Variants in KCNMB2 observed in about 807,000 individuals in gnomAD.
KCNMB2 encodes the protein calcium-activated potassium channel subunit beta-2.
In KCNMB2, 9 loss-of-function variants were observed where a neutral mutation model predicts 24.5. The observed-to-expected ratio is 0.37, with a 90% CI of 0.22 to 0.64. The LOEUF is 0.64. Among genes scored for constraint, KCNMB2 ranks in the 30% least tolerant of loss-of-function variants. The pLI, the probability that KCNMB2 is intolerant of heterozygous loss-of-function variation, is 0.63. For missense variants in KCNMB2, 226 were observed against 284.3 expected (o/e 0.79, Z 1.47); for synonymous variants, 109 against 104.4 (o/e 1.04, Z -0.27).
chr3:178,762,318 A>G (rs1048536670), intron 1 of KCNMB2, among the ~76,000 whole-genome samples: 2 of 152,234 alleles, frequency 1.3e-5, no homozygotes, highest in African/African-American at 4.8e-5. Context: ...CAGCCAACCC[A>G]AGAGTAAGGA....
intron 1 of KCNMB2, among the ~76,000 whole-genome samples, chr3:178,780,053 TAAA>T (rs11406849): frequency 1.5e-3 from 205 of 134,018 alleles, no homozygotes; most frequent in African/African-American, 5.2e-3. Flanking sequence ...TTGTTTTTTT[TAAA>T]AAAAAAAAAA....
intron 4 of KCNMB2, among the ~76,000 whole-genome samples, chr3:178,838,958 TGAA>T (rs1179019222): frequency 6.6e-6 from 1 of 152,204 alleles, no homozygotes; most frequent in Non-Finnish European, 1.5e-5. Flanking sequence ...TATAATGTTT[TGAA>T]GAAGGAGCAC....
chr3:178,828,295 G>A lies in KCNMB2; in HGVS notation c.345G>A (p.Gln115=). 2 of 1,613,950 alleles carry A rather than the reference G, an allele frequency of 1.2e-6. No homozygotes were observed. Among genetic ancestry groups the A allele is most frequent in the Middle Eastern group, 1.6e-4 (1 of 6,062 alleles). The change falls in exon 4 of 5, where the codon CAG becomes CAA. Residue 115 remains glutamine (Q), a synonymous_variant. Coordinates refer to ENST00000452583, the MANE Select transcript of KCNMB2 (RefSeq NM_181361.3). Reference sequence around the variant, plus strand: ...AACTTTCTCAGTACCCCTGCCTCCAGGTGTACGTTAACCTGACTTCTTCCG... The same window carrying A: ...AACTTTCTCAGTACCCCTGCCTCCAAGTGTACGTTAACCTGACTTCTTCCG... The part of the protein sequence containing the change: ...CWKLSQYPCL[Q]VYVNLTSSGE...
At chr3:178,552,990 T>C (rs1716008553) in intron 1 of KCNMB2, among the ~76,000 whole-genome samples, 1 of 152,218 alleles carries the variant, frequency 6.6e-6, no homozygotes, top group Admixed American at 6.5e-5. Flanking sequence ...ACAATAAAGA[T>C]AAGCAGAAAA....
At chr3:178,541,384 T>C (rs1367269116) in intron 1 of KCNMB2, among the ~76,000 whole-genome samples, 1 of 152,130 alleles carries the variant, frequency 6.6e-6, no homozygotes, top group East Asian at 1.9e-4. Flanking sequence ...TAAAACCAAG[T>C]TGGAAGGGAT....
chr3:178,816,978 A>T (rs552174415), intron 2 of KCNMB2, among the ~76,000 whole-genome samples: 1 of 152,240 alleles, frequency 6.6e-6, no homozygotes, highest in African/African-American at 2.4e-5. Context: ...TGGTCCAACA[A>T]AAATAAATAT....
At chr3:178,763,827 G>A (rs1377107032) in intron 1 of KCNMB2, among the ~76,000 whole-genome samples, 1 of 152,074 alleles carries the variant, frequency 6.6e-6, no homozygotes, top group African/African-American at 2.4e-5. Flanking sequence ...ATTTACTGGT[G>A]GCATGCCTTG....
intron 4 of KCNMB2, among the ~76,000 whole-genome samples, chr3:178,840,749 A>C (rs1037723606): frequency 6.6e-6 from 1 of 152,240 alleles, no homozygotes; most frequent in Non-Finnish European, 1.5e-5. Flanking sequence ...TCAAGGCTGC[A>C]CAGAGCAGCA....
intron 1 of KCNMB2, among the ~76,000 whole-genome samples, chr3:178,554,646 GC>G (rs1716065432): frequency 6.6e-6 from 1 of 151,964 alleles, no homozygotes; most frequent in Non-Finnish European, 1.5e-5. Context: ...AAGCACTTAT[GC>G]TTTTCCTTCC....
intron 4 of KCNMB2, among the ~76,000 whole-genome samples, chr3:178,832,713 C>T (rs111674010): frequency 1.2e-5 from 1 of 81,090 alleles, no homozygotes; most frequent in African/African-American, 1.1e-4. Flanking sequence ...ACTGTTAAAC[C>T]CATCCATTGA....
At chr3:178,698,316 C>A (rs766971835) in intron 1 of KCNMB2, among the ~76,000 whole-genome samples, 2 of 150,254 alleles carry the variant, frequency 1.3e-5, no homozygotes, top group Non-Finnish European at 3.0e-5. Flanking sequence ...TTTCTTCATT[C>A]TTTTTCATTC....
At chr3:178,546,016 T>C (rs1715761272) in intron 1 of KCNMB2, among the ~76,000 whole-genome samples, 2 of 151,982 alleles carry the variant, frequency 1.3e-5, no homozygotes, top group South Asian at 4.2e-4. Flanking sequence ...TCAAGGTAAC[T>C]GTTTGCTTTG....
intron 2 of KCNMB2, among the ~76,000 whole-genome samples, chr3:178,810,461 A>C (rs1050144552): frequency 6.6e-6 from 1 of 152,196 alleles, no homozygotes; most frequent in Non-Finnish European, 1.5e-5. Flanking sequence ...ATACCAGGAA[A>C]CCAGCTTAAG....
intron 1 of KCNMB2, among the ~76,000 whole-genome samples, chr3:178,576,769 G>A (rs535923496): frequency 1.1e-4 from 17 of 152,300 alleles, no homozygotes; most frequent in South Asian, 6.2e-4. Flanking sequence ...TGGCAAAGCC[G>A]CTGTAGCCAG....
chr3:178,800,800 A>C lies in KCNMB2; in HGVS notation c.-67-6543A>C, dbSNP rs35313404. 2.6e-3 allele frequency among the ~76,000 whole-genome samples: 391 copies of C among 151,730 alleles called. 2 individuals are homozygous for C. Among genetic ancestry groups the C allele is most frequent in the Non-Finnish European group, 4.6e-3 (312 of 67,614 alleles). ...TAAGTGTCCATCAACAGATGAATAG[A>C]TAAAGAAAATGTGGTACATATACAC... On this transcript the variant is annotated intron_variant, in intron 1 of 4. Transcript: ENST00000452583.
At chr3:178,778,060 A>C (rs912237941) in intron 1 of KCNMB2, among the ~76,000 whole-genome samples, 4 of 152,160 alleles carry the variant, frequency 2.6e-5, no homozygotes, top group Non-Finnish European at 4.4e-5. Flanking sequence ...TTCTTGAAAA[A>C]CACAATGACT....
chr3:178,767,728 C>T (rs1349375831), intron 1 of KCNMB2, among the ~76,000 whole-genome samples: 1 of 152,156 alleles, frequency 6.6e-6, no homozygotes, highest in Non-Finnish European at 1.5e-5. Flanking sequence ...GGTCAGATGC[C>T]ACAGCTGTAT....
At chr3:178,772,711 G>A (rs1038121686) in intron 1 of KCNMB2, among the ~76,000 whole-genome samples, 2 of 152,202 alleles carry the variant, frequency 1.3e-5, no homozygotes, top group African/African-American at 4.8e-5. Context: ...AGATAACACT[G>A]CCTTGCATAT....
chr3:178,734,676 C>T (rs1723261258), intron 1 of KCNMB2, among the ~76,000 whole-genome samples: 1 of 152,184 alleles, frequency 6.6e-6, no homozygotes, highest in South Asian at 2.1e-4. Flanking sequence ...AGGTTTTAGA[C>T]CCAAGTCCTC....
Sources: allele counts gnomAD v4.1 joint callset (sites outside exome capture counted in the v4.1 genomes callset), GRCh38; gene constraint gnomAD v4.1.1; transcripts MANE v1.5; gene names NCBI Gene and HGNC (gene_info 2026-07-23, HGNC 2026-07-21).